Variants in NRG1 observed in about 807,000 individuals in gnomAD.
NRG1 encodes the protein pro-neuregulin-1, membrane-bound isoform.
In NRG1, 18 loss-of-function variants were observed where a neutral mutation model predicts 63.8. That is an observed-to-expected ratio of 0.28 (90% confidence interval 0.19 to 0.42). The LOEUF is 0.42. Ranked by LOEUF, NRG1 falls within the 10% of genes least tolerant of loss-of-function variation. NRG1 has a pLI of 1.00. For synonymous variants in NRG1, 302 were observed against 301.3 expected (o/e 1.00, Z -0.02); for missense variants, 762 against 814.7 (o/e 0.94, Z 0.79).
chr8:32,432,547 T>G (rs1457585512), intron 1 of NRG1, among the ~76,000 whole-genome samples: 1 of 152,174 alleles, frequency 6.6e-6, no homozygotes, highest in Non-Finnish European at 1.5e-5. Flanking sequence ...AGAGTCTCAT[T>G]CTGTCACCCA....
At chr8:31,646,385 C>T (rs1804288161) in intron 1 of NRG1, among the ~76,000 whole-genome samples, 1 of 152,178 alleles carries the variant, frequency 6.6e-6, no homozygotes, top group African/African-American at 2.4e-5. Flanking sequence ...GAATCAAGCC[C>T]AGTGCAAGGG....
chr8:32,044,605 A>G (rs898690277), intron 1 of NRG1, among the ~76,000 whole-genome samples: 16 of 151,802 alleles, frequency 1.1e-4, no homozygotes, highest in African/African-American at 3.6e-4. Context: ...AAGTCACACA[A>G]AATATGTTTT....
chr8:32,694,668 G>T lies in NRG1; in HGVS notation c.503-33281G>T, dbSNP rs548306504. Among the ~76,000 whole-genome samples the T allele has an allele frequency of 8.5e-5, 13 of 152,312 alleles. 1 individual carries two copies. In the South Asian group the frequency reaches 2.7e-3, roughly 32 times the overall value. On this transcript the variant is annotated intron_variant, in intron 5 of 11. Coordinates refer to ENST00000356819, the Ensembl canonical transcript of NRG1. ...AAGATATTGTCCTTTGAATTAAGCA[G>T]AACGTGTGGGTGTGTGCACATGTGT...
At chr8:31,773,480 C>G (rs1017525935) in intron 1 of NRG1, among the ~76,000 whole-genome samples, 4 of 152,190 alleles carry the variant, frequency 2.6e-5, no homozygotes, top group African/African-American at 9.7e-5. Context: ...AAAAACCTAG[C>G]TCAAACCATC....
At position 32,693,024 on chromosome 8, in the gene NRG1, C is replaced by T. The variant is rs571848194; in HGVS notation, c.503-34925C>T. On this transcript the variant is annotated intron_variant, in intron 5 of 11. Coordinates refer to ENST00000356819, the Ensembl canonical transcript of NRG1. Reference sequence around the variant, plus strand: ...TAAGCCACATCACCGAATGCCTTTCCGGTAGCTGACATGATTGATTGTGGA... The same window carrying T: ...TAAGCCACATCACCGAATGCCTTTCTGGTAGCTGACATGATTGATTGTGGA... 8.5e-5 allele frequency among the ~76,000 whole-genome samples: 13 copies of T among 152,188 alleles called. No homozygotes were observed. The South Asian group carries it at 1.0e-3, about 12-fold the overall frequency.
rs1186814785 is a variant in NRG1, at chr8:31,967,691, AAGAAGGCAGC to A, written c.37+328263_37+328272del. ...CTGTGCAGTGGCACCAAGTGACAGC[AAGAAGGCAGC>A]AGTACTACCAAGGCAAGATTACACC... On this transcript the variant is annotated intron_variant, in intron 1 of 10. Coordinates refer to the NRG1 transcript ENST00000519301. Among the ~76,000 whole-genome samples, 5 of 152,328 alleles carry A rather than the reference AAGAAGGCAGC, an allele frequency of 3.3e-5. No homozygotes were observed. The South Asian group carries it at 8.3e-4, about 25-fold the overall frequency.
chr8:32,567,704 C>G lies in NRG1; in HGVS notation c.100+18878C>G, dbSNP rs551674519. Among the ~76,000 whole-genome samples the G allele has an allele frequency of 2.0e-4, 30 of 152,336 alleles. No homozygotes were observed. In the South Asian group the frequency reaches 5.8e-3, roughly 29 times the overall value. ...CTGGCACTCTTAAGTTGCTGTTTCA[C>G]CCTAGCAGTGCCTGCTTCAAGCCAT... On this transcript the variant is annotated intron_variant, in intron 1 of 11. Transcript: ENST00000356819.
intron 1 of NRG1, among the ~76,000 whole-genome samples, chr8:31,985,439 A>G (rs1411794463): frequency 6.6e-6 from 1 of 152,140 alleles, no homozygotes; most frequent in African/African-American, 2.4e-5. Context: ...ATTAATGTAA[A>G]GAGCACATTT....
At chr8:32,643,967 A>G (rs1310054397) in intron 5 of NRG1, among the ~76,000 whole-genome samples, 1 of 152,190 alleles carries the variant, frequency 6.6e-6, no homozygotes, top group African/African-American at 2.4e-5. Flanking sequence ...TGAAATAACA[A>G]AAGCAGTATT....
chr8:31,902,538 A>C (rs1832171368), intron 1 of NRG1, among the ~76,000 whole-genome samples: 1 of 152,206 alleles, frequency 6.6e-6, no homozygotes, highest in Admixed American at 6.5e-5. Context: ...TCAAAAGTTA[A>C]ATACTTACCA....
intron 1 of NRG1, among the ~76,000 whole-genome samples, chr8:31,775,882 C>CAA (rs71208140): frequency 0.15 from 10,731 of 71,798 alleles, 1,656 homozygotes; most frequent in East Asian, 0.45. Context: ...GACTCCGTCT[C>CAA]AAAAAAAAAA....
At chr8:31,988,855 G>T (rs1378940622) in intron 1 of NRG1, among the ~76,000 whole-genome samples, 2 of 152,006 alleles carry the variant, frequency 1.3e-5, no homozygotes, top group Non-Finnish European at 1.5e-5. Context: ...CCAAGTTCAT[G>T]TACCATTCCA....
At chr8:32,408,481 T>G (rs2129485240) in intron 1 of NRG1, among the ~76,000 whole-genome samples, 1 of 152,216 alleles carries the variant, frequency 6.6e-6, no homozygotes, top group African/African-American at 2.4e-5. Context: ...AGCTCTCTAG[T>G]TATTTGGGGA....
At chr8:32,146,079 T>G (rs138708065) in intron 1 of NRG1, among the ~76,000 whole-genome samples, 97 of 152,330 alleles carry the variant, frequency 6.4e-4, no homozygotes, top group African/African-American at 2.1e-3. Context: ...CAAGGACATG[T>G]GAGCAAATGG....
At chr8:32,659,282 A>G (rs2128870716) in intron 5 of NRG1, among the ~76,000 whole-genome samples, 1 of 151,568 alleles carries the variant, frequency 6.6e-6, no homozygotes, top group Non-Finnish European at 1.5e-5. Flanking sequence ...TGCTGGGGCT[A>G]CAGGCATGCA....
chr8:31,657,778 C>T (rs1805575317), intron 1 of NRG1, among the ~76,000 whole-genome samples: 1 of 152,152 alleles, frequency 6.6e-6, no homozygotes, highest in Admixed American at 6.5e-5. Flanking sequence ...CCAATTTTAA[C>T]CTGAGATTCA....
At chr8:32,120,493 C>T (rs1406786277) in intron 1 of NRG1, among the ~76,000 whole-genome samples, 1 of 152,038 alleles carries the variant, frequency 6.6e-6, no homozygotes, top group African/African-American at 2.4e-5. Context: ...CTGATGATTT[C>T]CCTTCTCTCC....
chr8:32,492,868 G>A (rs1236084546), intron 1 of NRG1, among the ~76,000 whole-genome samples: 1 of 152,062 alleles, frequency 6.6e-6, no homozygotes, highest in Non-Finnish European at 1.5e-5. Context: ...GGTGGGGAGG[G>A]GAGGCTGGGG....
chr8:31,936,247 T>C (rs925152866), intron 1 of NRG1, among the ~76,000 whole-genome samples: 5 of 152,220 alleles, frequency 3.3e-5, no homozygotes, highest in Non-Finnish European at 7.3e-5. Context: ...ACAATAAATG[T>C]TTACTTAACA....
Sources: allele counts gnomAD v4.1 joint callset (sites outside exome capture counted in the v4.1 genomes callset), GRCh38; gene constraint gnomAD v4.1.1; transcripts MANE v1.5; gene names NCBI Gene and HGNC (gene_info 2026-07-23, HGNC 2026-07-21).